The following UBE2D2 variants were observed in gnomAD, a reference collection of about 807,000 sequenced individuals.
The protein encoded by UBE2D2 is ubiquitin-conjugating enzyme E2 D2.
Under a neutral mutation model 24.2 loss-of-function variants are expected in UBE2D2, and 2 were observed. That is an observed-to-expected ratio of 0.08 (90% confidence interval 0.03 to 0.26). The LOEUF is 0.26. Ranked by LOEUF, UBE2D2 falls within the 10% of genes least tolerant of loss-of-function variation. The probability of loss-of-function intolerance (pLI) is 1.00; values close to 1 mark genes in which losing one functional copy is unlikely to be tolerated. For missense variants in UBE2D2, 44 were observed against 177.6 expected (o/e 0.25, Z 4.28); for synonymous variants, 58 against 56.5 (o/e 1.03, Z -0.12).
intron 1 of UBE2D2, among the ~76,000 whole-genome samples, chr5:139,567,678 C>T (rs1030970108): frequency 1.3e-5 from 2 of 151,652 alleles, no homozygotes; most frequent in African/African-American, 4.8e-5. Flanking sequence ...GGACTACAGG[C>T]ATGCACCCCC....
Position 139,561,393 on chromosome 5 carries a change from A to G in UBE2D2, c.-399A>G. The G allele has an allele frequency of 5.8e-6, 1 of 171,240 alleles. No homozygotes were observed. Among genetic ancestry groups the G allele is most frequent in the African/African-American group, 2.4e-5 (1 of 42,136 alleles). The allele number at this position is 171,240 out of a possible 1,614,324, so 10.6% of individuals were successfully genotyped here. On this transcript the variant is annotated 5_prime_UTR_variant, in exon 1 of 7. Coordinates refer to ENST00000398733, the MANE Select transcript of UBE2D2 (RefSeq NM_003339.3). ...CCCGCGCGTCCCTCGGTCCACCTGC[A>G]GCAGGGAGGAAGACAGGCAATCCCT...
chr5:139,600,551 G>A, intron 2 of UBE2D2, 116 bp downstream of exon 2: 1 of 916,580 alleles, frequency 1.1e-6, no homozygotes, highest in Non-Finnish European at 1.7e-6. Flanking sequence ...CATGAAGGGA[G>A]CAACTCTATG....
intron 1 of UBE2D2, among the ~76,000 whole-genome samples, chr5:139,551,027 A>G (rs946555405): frequency 5.3e-5 from 8 of 152,180 alleles, no homozygotes; most frequent in Admixed American, 5.2e-4. Flanking sequence ...ACAAGTGTGC[A>G]TACCATCTTA....
intron 1 of UBE2D2, among the ~76,000 whole-genome samples, chr5:139,587,285 A>AG (rs1172590727): frequency 2.6e-5 from 4 of 152,190 alleles, no homozygotes; most frequent in African/African-American, 9.6e-5. Flanking sequence ...TCAGGAGCAC[A>AG]GTGGACACCC....
chr5:139,541,463 G>A (rs1206163197), intron 1 of UBE2D2, among the ~76,000 whole-genome samples: 4 of 151,350 alleles, frequency 2.6e-5, no homozygotes, highest in Non-Finnish European at 5.9e-5. Context: ...AGCCAGGCAT[G>A]GTGGTGGGCG....
upstream of UBE2D2, among the ~76,000 whole-genome samples, chr5:139,556,835 CTT>C (rs563152839): frequency 5.5e-5 from 8 of 144,188 alleles, no homozygotes; most frequent in African/African-American, 1.5e-4. Flanking sequence ...TAGTTCCATA[CTT>C]TTTTTTTTTT....
At chr5:139,549,637 T>C (rs1752880293) in intron 1 of UBE2D2, among the ~76,000 whole-genome samples, 1 of 152,220 alleles carries the variant, frequency 6.6e-6, no homozygotes, top group Non-Finnish European at 1.5e-5. Context: ...CCCTACACCG[T>C]GAGCTCGCGG....
intron 1 of UBE2D2, among the ~76,000 whole-genome samples, chr5:139,584,107 C>T (rs977935253): frequency 1.3e-5 from 2 of 152,188 alleles, no homozygotes; most frequent in Non-Finnish European, 2.9e-5. Flanking sequence ...GAGCAACTTC[C>T]AGTCTTGCAG....
rs539538651 is a variant in UBE2D2 at position 139,587,200 on chromosome 5, C to A, written c.25-13172C>A. Among the ~76,000 whole-genome samples, 9 of 152,298 alleles carry A rather than the reference C, an allele frequency of 5.9e-5. No individual in the cohort carries two copies. In the East Asian group the frequency reaches 1.7e-3, roughly 29 times the overall value. ...TAGTGTTCCAGCTGGATAGGATGAA[C>A]CCAGGCACTTAGCCATGCAGGAACA... is the stretch of plus-strand genomic sequence containing the variant. On this transcript the variant is annotated intron_variant, in intron 1 of 6. Transcript: ENST00000398733.
chr5:139,552,127 TA>T (rs1752927172), intron 1 of UBE2D2, among the ~76,000 whole-genome samples: 1 of 151,990 alleles, frequency 6.6e-6, no homozygotes, highest in Non-Finnish European at 1.5e-5. Context: ...TCCAAATAAA[TA>T]GATTAGCCTC....
At chr5:139,564,046 C>G (rs1356122297) in intron 1 of UBE2D2, among the ~76,000 whole-genome samples, 1 of 152,128 alleles carries the variant, frequency 6.6e-6, no homozygotes, top group Non-Finnish European at 1.5e-5. Context: ...ATTAATAATA[C>G]TTGCTCTGGT....
At chr5:139,586,709 G>A (rs1313961266) in intron 1 of UBE2D2, among the ~76,000 whole-genome samples, 1 of 151,956 alleles carries the variant, frequency 6.6e-6, no homozygotes, top group African/African-American at 2.4e-5. Flanking sequence ...AGCTTGCAGT[G>A]AGCCAAGATC....
chr5:139,550,229 C>T lies in UBE2D2; in HGVS notation c.-64+23617C>T, dbSNP rs192751078. Among the ~76,000 whole-genome samples the T allele has an allele frequency of 2.2e-3, 339 of 152,314 alleles. 2 individuals are homozygous for T. Among genetic ancestry groups the T allele is most frequent in the African/African-American group, 7.7e-3 (319 of 41,572 alleles). Reference sequence around the variant, plus strand: ...GTTTGTAAACGCATCAATCAGCACCCTGTGTCTAGCTCAAGGTTTGTAAAT... The same window carrying T: ...GTTTGTAAACGCATCAATCAGCACCTTGTGTCTAGCTCAAGGTTTGTAAAT... On this transcript the variant is annotated intron_variant, in intron 1 of 6. Transcript: ENST00000511725.
Position 139,623,417 on chromosome 5 carries a change from T to G in UBE2D2, c.354T>G (p.Pro118=). The change falls in exon 6 of 7, where the codon CCT becomes CCG. Residue 118 remains proline, a synonymous_variant. Transcript: ENST00000398733. ...SLLCDPNPDD[P]LVPEIARIYK... is the part of the protein sequence containing the mutation. Reference sequence around the variant, plus strand: ...TGTGTGATCCCAATCCAGATGATCCTTTAGTGCCTGAGATTGCTCGGATCT... The same window carrying G: ...TGTGTGATCCCAATCCAGATGATCCGTTAGTGCCTGAGATTGCTCGGATCT... 1 of 1,604,456 alleles carries G rather than the reference T, an allele frequency of 6.2e-7. No homozygotes were observed. The highest frequency in any genetic ancestry group is 1.3e-5 in the African/African-American group (1 of 74,976).
intron 1 of UBE2D2, among the ~76,000 whole-genome samples, chr5:139,571,311 G>A (rs1179712148): frequency 6.6e-6 from 1 of 151,660 alleles, no homozygotes; most frequent in African/African-American, 2.4e-5. Flanking sequence ...GGAGGCTGAG[G>A]CAGGAGAATC....
At chr5:139,541,599 C>CA (rs892398676) in intron 1 of UBE2D2, among the ~76,000 whole-genome samples, 6,056 of 57,408 alleles carry the variant, frequency 0.11, 213 homozygotes, top group African/African-American at 0.14. Context: ...GACTCCATTT[C>CA]AAAAAAAAAA....
chr5:139,531,625 C>CAAAAAAAAAAAAAAAAAAAAAAAAAA (rs112323447), intron 1 of UBE2D2, among the ~76,000 whole-genome samples: 1 of 97,352 alleles, frequency 1.0e-5, no homozygotes, highest in Non-Finnish European at 2.1e-5. Flanking sequence ...AGACCCTATC[C>CAAAAAAAAAAAAAAAAAAAAAAAAAA]AAAAAAAAAA....
At chr5:139,576,092 A>G (rs1233967576) in intron 1 of UBE2D2, among the ~76,000 whole-genome samples, 1 of 152,210 alleles carries the variant, frequency 6.6e-6, no homozygotes, top group African/African-American at 2.4e-5. Flanking sequence ...TAGATTTCTT[A>G]AAATAATAGC....
intron 1 of UBE2D2, among the ~76,000 whole-genome samples, chr5:139,536,841 T>C (rs1383446142): frequency 1.3e-5 from 2 of 152,110 alleles, no homozygotes; most frequent in African/African-American, 4.8e-5. Flanking sequence ...TATCATTTCA[T>C]CTGTAAACAT....
Sources: allele counts gnomAD v4.1 joint callset (sites outside exome capture counted in the v4.1 genomes callset), GRCh38; gene constraint gnomAD v4.1.1; transcripts MANE v1.5; gene names NCBI Gene and HGNC (gene_info 2026-07-23, HGNC 2026-07-21).